The following ZNF74 variants were observed in gnomAD, a reference collection of about 807,000 sequenced individuals.
The protein encoded by ZNF74 is zinc finger protein 74.
A neutral mutation model predicts 17.7 loss-of-function variants in ZNF74; 12 were observed. That is an observed-to-expected ratio of 0.68 (90% CI 0.43 to 1.10). The LOEUF (loss-of-function observed/expected upper bound fraction) is 1.10, where lower values mean the gene tolerates loss of function less well. Ranked by LOEUF, ZNF74 falls within the 50% of genes least tolerant of loss-of-function variation. The pLI is 0.00. For missense variants in ZNF74, 811 were observed against 881.0 expected (o/e 0.92, Z 1.01); for synonymous variants, 358 against 362.1 (o/e 0.99, Z 0.13).
At chr22:20,398,137 G>A (rs960865834) in intron 2 of ZNF74, among the ~76,000 whole-genome samples, 2 of 152,220 alleles carry the variant, frequency 1.3e-5, no homozygotes, top group Non-Finnish European at 2.9e-5. Flanking sequence ...GGCCAACATG[G>A]TGAAACCCTG....
At position 20,405,787 on chromosome 22, in the gene ZNF74, G is replaced by A; in HGVS notation, c.754G>A (p.Glu252Lys). ...CGGGGAGGGCGAGTTCGTGTGCGGC[G>A]AGTGCGGGAAGGCGTTCCGCCAGAG... Reference protein sequence around the residue: ...GAGEGEFVCGECGKAFRQSSS... With the variant: ...GAGEGEFVCGKCGKAFRQSSS... The change falls in exon 5 of 5, where the codon GAG becomes AAG. Residue 252 changes from glutamate (E) to lysine (K), a missense_variant. Coordinates refer to ENST00000400451, the MANE Select transcript of ZNF74 (RefSeq NM_003426.4). 1 of 1,611,344 alleles carries A rather than the reference G, an allele frequency of 6.2e-7. No individual in the cohort carries two copies. Among genetic ancestry groups the A allele is most frequent in the Non-Finnish European group, 8.5e-7 (1 of 1,179,170 alleles).
intron 2 of ZNF74, among the ~76,000 whole-genome samples, chr22:20,396,084 A>G (rs1458451590): frequency 1.3e-5 from 2 of 151,620 alleles, no homozygotes; most frequent in East Asian, 1.9e-4. Flanking sequence ...ACCTCACCCC[A>G]TGGTTGTATT....
chr22:20,401,668 CG>C lies in ZNF74; in HGVS notation c.343+301del, dbSNP rs1192989869. Among the ~76,000 whole-genome samples the C allele has an allele frequency of 6.6e-6, 1 of 151,628 alleles. No homozygotes were observed. Among genetic ancestry groups the C allele is most frequent in the African/African-American group, 2.4e-5 (1 of 41,286 alleles). On this transcript the variant is annotated intron_variant, in intron 4 of 4. Transcript: ENST00000400451. This position sits in a 1 kb window ranked among gnomAD's most constrained non-coding sequence, Gnocchi z 4.2. ...GAGCCATTGGTGTTGGCTGGGCAGC[CG>C]GGGGTGTGGGATTGGGGGCAGGGGG...
In ZNF74 at chr22:20,405,785, G is replaced by T; in HGVS notation, c.752G>T (p.Gly251Val). The change falls in exon 5 of 5, where the codon GGC becomes GTC. Residue 251 changes from glycine (G) to valine (V), a missense_variant. Around this residue, in one of 3 missense-constraint regions of ZNF74, gnomAD observed 666 missense variants for 702.3 expected, o/e 0.95. Transcript: ENST00000400451. ...GCCGGGGAGGGCGAGTTCGTGTGCG[G>T]CGAGTGCGGGAAGGCGTTCCGCCAG... The part of the protein sequence containing the change: ...AGAGEGEFVC[G>V]ECGKAFRQSS... 1.9e-6 allele frequency: 3 copies of T among 1,611,016 alleles called. No individual in the cohort carries two copies. The highest frequency in any genetic ancestry group is 1.3e-5 in the African/African-American group (1 of 75,024).
Position 20,406,743 on chromosome 22 carries a change from C to A in ZNF74, c.1710C>A (p.His570Gln), listed in dbSNP as rs147526873. ...GGGAGATGTTCAACTGGAGCTCGCA[C>A]CTCACTGAGCACCAGAGGCTGCACA... is the stretch of plus-strand genomic sequence containing the variant. ...KCGEMFNWSS[H>Q]LTEHQRLHSE... Residue 570 changes from histidine to glutamine, a missense_variant, in exon 5 of 5, where the codon CAC becomes CAA. Physicochemically the swap from His to Gln is conservative, Grantham distance 24 (BLOSUM62 0). This residue lies in a region of ZNF74 where 115 missense variants were observed against 119.5 expected (regional missense o/e 0.96). Transcript: ENST00000400451. The A allele has an allele frequency of 9.0e-5, 146 of 1,614,162 alleles. No homozygotes were observed. In the African/African-American group the frequency reaches 1.5e-3, roughly 16 times the overall value.
At chr22:20,402,175 A>T (rs753012972) in intron 4 of ZNF74, among the ~76,000 whole-genome samples, 2 of 152,160 alleles carry the variant, frequency 1.3e-5, no homozygotes, top group Non-Finnish European at 2.9e-5. Context: ...GCTGTGGAGC[A>T]CAGAACACGG....
rs1601273929 is a variant in ZNF74, at chr22:20,401,423, A to C, written c.343+51A>C. 1 of 1,229,972 alleles carries C rather than the reference A, an allele frequency of 8.1e-7. No homozygotes were observed. Among genetic ancestry groups the C allele is most frequent in the Non-Finnish European group, 1.2e-6 (1 of 857,472 alleles). The allele number at this position is 1,229,972 out of a possible 1,614,324, so 76.2% of individuals were successfully genotyped here. A position where few individuals can be genotyped will look rare whatever the true frequency, so the allele number is the denominator to read the frequency against. On this transcript the variant is annotated intron_variant, in intron 4 of 4. Transcript: ENST00000400451. This position sits in a 1 kb window ranked among gnomAD's most constrained non-coding sequence, Gnocchi z 4.2. Reference sequence around the variant, plus strand: ...TGCCAGCCCCAGCACCCCTGGTGGCACCTCCTCCTATGGCCCCTATTTTCC... The same window carrying C: ...TGCCAGCCCCAGCACCCCTGGTGGCCCCTCCTCCTATGGCCCCTATTTTCC...
Position 20,400,328 on chromosome 22 carries a change from C to G in ZNF74, c.121-304C>G, listed in dbSNP as rs534237223. 47 of 337,158 alleles carry G rather than the reference C, an allele frequency of 1.4e-4. 1 individual carries two copies. The South Asian group carries it at 1.5e-3, about 10-fold the overall frequency. The allele number at this position is 337,158 out of a possible 1,614,324, so 20.9% of individuals were successfully genotyped here. A position where few individuals can be genotyped will look rare whatever the true frequency, so the allele number is the denominator to read the frequency against. On this transcript the variant is annotated intron_variant, in intron 2 of 4. Coordinates refer to ENST00000400451, the MANE Select transcript of ZNF74 (RefSeq NM_003426.4). ...TAGCATCTCACCCAGGACTTAGAGC[C>G]TGATACAACAGCCATGTACAGCCCC...
chr22:20,400,804 T>C, intron 3 of ZNF74, 46 bp downstream of exon 3: 3 of 1,603,538 alleles, frequency 1.9e-6, no homozygotes, highest in Non-Finnish European at 2.6e-6. Context: ...GTCAGCCTTC[T>C]TCTACATGGT....
At chr22:20,402,389 T>C (rs938801548) in intron 4 of ZNF74, among the ~76,000 whole-genome samples, 1 of 152,204 alleles carries the variant, frequency 6.6e-6, no homozygotes, top group Non-Finnish European at 1.5e-5. Flanking sequence ...ATACTGAAAA[T>C]GAGGCTGAAA....
At chr22:20,398,481 C>A (rs759168480) in intron 2 of ZNF74, among the ~76,000 whole-genome samples, 1 of 152,110 alleles carries the variant, frequency 6.6e-6, no homozygotes, top group Non-Finnish European at 1.5e-5. Context: ...TTAGGTTACT[C>A]ATAGGCTTTT....
Position 20,405,890 on chromosome 22 carries a change from C to A in ZNF74, c.857C>A (p.Thr286Asn), listed in dbSNP as rs1569096237. ...TGCGATGAATGCGGCAAGGCCTTCA[C>A]CTGGAGCACCAACCTTCTGGAGCAC... is the stretch of plus-strand genomic sequence containing the variant. ...YKCDECGKAF[T>N]WSTNLLEHRR... The change falls in exon 5 of 5, where the codon ACC becomes AAC. Residue 286 changes from threonine (T) to asparagine (N), a missense_variant. Physicochemically the swap from Thr to Asn is moderately conservative, Grantham distance 65 (BLOSUM62 0). This residue lies in a region of ZNF74 where 666 missense variants were observed against 702.3 expected (regional missense o/e 0.95). Transcript: ENST00000400451. The A allele has an allele frequency of 6.2e-7, 1 of 1,613,378 alleles. No homozygotes were observed. Among genetic ancestry groups the A allele is most frequent in the African/African-American group, 1.3e-5 (1 of 74,852 alleles).
Position 20,405,792 on chromosome 22 carries a change from C to G in ZNF74, c.759C>G (p.Cys253Trp). The change falls in exon 5 of 5, where the codon TGC becomes TGG. Residue 253 changes from cysteine to tryptophan, a missense_variant. Around this residue, in one of 3 missense-constraint regions of ZNF74, gnomAD observed 666 missense variants for 702.3 expected, o/e 0.95. Coordinates refer to ENST00000400451, the MANE Select transcript of ZNF74 (RefSeq NM_003426.4). ...AGEGEFVCGECGKAFRQSSSL... is the reference protein window; with the variant it reads ...AGEGEFVCGEWGKAFRQSSSL... The stretch of plus-strand genomic sequence containing the variant: ...AGGGCGAGTTCGTGTGCGGCGAGTG[C>G]GGGAAGGCGTTCCGCCAGAGCTCCT... 6.2e-7 allele frequency: 1 copy of G among 1,611,712 alleles called. No homozygotes were observed. Among genetic ancestry groups the G allele is most frequent in the Non-Finnish European group, 8.5e-7 (1 of 1,179,406 alleles).
In ZNF74 at chr22:20,405,574, C is replaced by G. The variant is rs2146101344; in HGVS notation, c.541C>G (p.Leu181Val). The change falls in exon 5 of 5, where the codon CTC becomes GTC. Residue 181 changes from leucine to valine, a missense_variant. Leu to Val is a conservative substitution (Grantham distance 32). Around this residue, in one of 3 missense-constraint regions of ZNF74, gnomAD observed 666 missense variants for 702.3 expected, o/e 0.95. Coordinates refer to ENST00000400451, the MANE Select transcript of ZNF74 (RefSeq NM_003426.4). ...VWDVPVEEFP[L>V]RCPLFAQQRV... ...GGACGTCCCTGTAGAGGAATTCCCCCTCAGGTGTCCCCTCTTCGCCCAGCA... is the reference window on the plus strand; with the variant it reads ...GGACGTCCCTGTAGAGGAATTCCCCGTCAGGTGTCCCCTCTTCGCCCAGCA... 1 of 1,611,502 alleles carries G rather than the reference C, an allele frequency of 6.2e-7. No homozygotes were observed.
Position 20,405,856 on chromosome 22 carries a change from G to A in ZNF74, c.823G>A (p.Ala275Thr). The change falls in exon 5 of 5, where the codon GCT becomes ACT. Residue 275 changes from alanine to threonine, a missense_variant. Coordinates refer to ENST00000400451, the MANE Select transcript of ZNF74 (RefSeq NM_003426.4). ...LHRRWHSREK[A>T]YKCDECGKAF... ...CCGGCGCTGGCACAGCCGGGAGAAG[G>A]CTTACAAGTGCGATGAATGCGGCAA... 1 of 1,613,348 alleles carries A rather than the reference G, an allele frequency of 6.2e-7. No homozygotes were observed. The highest frequency in any genetic ancestry group is 1.1e-5 in the South Asian group (1 of 91,070).
Position 20,406,202 on chromosome 22 carries a change from G to T in ZNF74, c.1169G>T (p.Cys390Phe). 6.2e-7 allele frequency: 1 copy of T among 1,613,168 alleles called. No homozygotes were observed. The highest frequency in any genetic ancestry group is 8.5e-7 in the Non-Finnish European group (1 of 1,179,956). ...RIHTGEKPYQ[C>F]GSCGKAFTCH... ...CACACGGGCGAGAAGCCCTACCAGT[G>T]CGGCTCCTGCGGCAAGGCCTTCACC... The change falls in exon 5 of 5, where the codon TGC (cysteine) becomes TTC (phenylalanine). Residue 390 changes from cysteine (C) to phenylalanine (F), a missense_variant. This residue lies in a region of ZNF74 where 666 missense variants were observed against 702.3 expected (regional missense o/e 0.95). Transcript: ENST00000400451.
rs572052728 is a variant in ZNF74 at position 20,400,325 on chromosome 22, A to G, written c.121-307A>G. 25 of 326,400 alleles carry G rather than the reference A, an allele frequency of 7.7e-5. No individual in the cohort carries two copies. The East Asian group carries it at 1.4e-3, about 19-fold the overall frequency. 20.2% of individuals were successfully genotyped at this position (326,400 alleles called of 1,614,324 possible). On this transcript the variant is annotated intron_variant, in intron 2 of 4. Coordinates refer to ENST00000400451, the MANE Select transcript of ZNF74 (RefSeq NM_003426.4). Reference sequence around the variant, plus strand: ...GCATAGCATCTCACCCAGGACTTAGAGCCTGATACAACAGCCATGTACAGC... The same window carrying G: ...GCATAGCATCTCACCCAGGACTTAGGGCCTGATACAACAGCCATGTACAGC...
Position 20,406,528 on chromosome 22 carries a change from C to A in ZNF74, c.1495C>A (p.Pro499Thr). Residue 499 changes from proline to threonine, a missense_variant, in exon 5 of 5, where the codon CCC (proline) becomes ACC (threonine). Coordinates refer to ENST00000400451, the MANE Select transcript of ZNF74 (RefSeq NM_003426.4). ...CCGGCGCATCCACACAGGCGAGAAG[C>A]CCTTCGACTGCAGCCAGTGTTGGAA... ...VHRRIHTGEK[P>T]FDCSQCWKAF... 1.2e-6 allele frequency: 2 copies of A among 1,614,166 alleles called. No homozygotes were observed. The highest frequency in any genetic ancestry group is 1.7e-6 in the Non-Finnish European group (2 of 1,180,018).
rs1482954069 is a variant in ZNF74 at position 20,401,009 on chromosome 22, G to T, written c.247+251G>T. The T allele has an allele frequency of 3.3e-6, 2 of 598,420 alleles. No individual in the cohort carries two copies. Among genetic ancestry groups the T allele is most frequent in the Non-Finnish European group, 5.9e-6 (2 of 338,620 alleles). 37.1% of individuals were successfully genotyped at this position (598,420 alleles called of 1,614,324 possible). A position where few individuals can be genotyped will look rare whatever the true frequency, so the allele number is the denominator to read the frequency against. On this transcript the variant is annotated intron_variant, in intron 3 of 4. Transcript: ENST00000400451. The surrounding 1 kb of genome is among the most constrained non-coding windows in gnomAD (Gnocchi z 4.2). ...TCCTGGGATAGGGGCAGGGAGAGAA[G>T]AGAAGAAGGTGGGACCCTGGAGCCC...
Sources: allele counts gnomAD v4.1 joint callset (sites outside exome capture counted in the v4.1 genomes callset), GRCh38; gene constraint gnomAD v4.1.1; regional missense constraint gnomAD v4.1.1; non-coding constraint Gnocchi (gnomAD v3.1); transcripts MANE v1.5; gene names NCBI Gene and HGNC (gene_info 2026-07-23, HGNC 2026-07-21).